The following HMGCS1 variants were observed in gnomAD, a reference collection of about 807,000 sequenced individuals.
The protein encoded by HMGCS1 is hydroxymethylglutaryl-CoA synthase, cytoplasmic.
In HMGCS1, 9 loss-of-function variants were observed where a neutral mutation model predicts 52.3. The ratio of observed to expected loss-of-function variants is 0.17; its 90% CI spans 0.10 to 0.30. HMGCS1 has a LOEUF of 0.30. HMGCS1 is among the 10% of genes least tolerant of loss of function. The pLI is 1.00. For synonymous variants in HMGCS1, 176 were observed against 214.4 expected (o/e 0.82, Z 1.57); for missense variants, 320 against 620.9 (o/e 0.52, Z 5.15).
intron 2 of HMGCS1, among the ~76,000 whole-genome samples, chr5:43,302,998 G>C (rs1754394306): frequency 6.6e-6 from 1 of 152,104 alleles, no homozygotes; most frequent in South Asian, 2.1e-4. Context: ...CCATCTTATT[G>C]AATGTGCAAG....
intron 5 of HMGCS1, among the ~76,000 whole-genome samples, 186 bp from the exon 6 acceptor site, chr5:43,296,103 A>C (rs1342116749): frequency 6.6e-6 from 1 of 152,228 alleles, no homozygotes; most frequent in African/African-American, 2.4e-5. Context: ...AACAATATGT[A>C]CTATGTCACT....
chr5:43,292,112 C>T (rs1296133822), intron 10 of HMGCS1, among the ~76,000 whole-genome samples: 1 of 150,200 alleles, frequency 6.7e-6, no homozygotes, highest in African/African-American at 2.5e-5. Context: ...CCTGACTCAG[C>T]CTCCTGAGTA....
chr5:43,294,752 T>G lies in HMGCS1; in HGVS notation c.1015A>C (p.Asn339His). The G allele has an allele frequency of 6.2e-7, 1 of 1,612,764 alleles. No individual in the cohort carries two copies. Among genetic ancestry groups the G allele is most frequent in the Non-Finnish European group, 8.5e-7 (1 of 1,178,980 alleles). ...GATGTGTACATATTTCCATTTTGAT[T>G]TGATACAAGTAAAGATGCCTTTGTT... ...QKTKASLLVS[N>H]QNGNMYTSSV... The change falls in exon 7 of 11, where the codon AAT (asparagine) becomes CAT (histidine). Residue 339 changes from asparagine (N) to histidine (H), a missense_variant. By Grantham distance (68) the Asn-to-His change is moderately conservative (BLOSUM62 1). Transcript: ENST00000325110.
intron 6 of HMGCS1, among the ~76,000 whole-genome samples, chr5:43,295,504 G>C (rs530980831): frequency 6.6e-6 from 1 of 152,124 alleles, no homozygotes; most frequent in Non-Finnish European, 1.5e-5. Flanking sequence ...TTACTTTATC[G>C]TGACAACATG....
intron 1 of HMGCS1, among the ~76,000 whole-genome samples, chr5:43,308,717 T>G (rs1022469720): frequency 2.0e-5 from 3 of 152,212 alleles, no homozygotes; most frequent in African/African-American, 7.2e-5. Flanking sequence ...TTTCCTCTGC[T>G]CTCTATTTAA....
chr5:43,293,621 T>G (rs1305241721), intron 8 of HMGCS1: 1 of 151,790 alleles, frequency 6.6e-6, no homozygotes, highest in African/African-American at 2.4e-5. Context: ...AAAGAAGTAA[T>G]GAAGACTAAA....
chr5:43,308,780 G>A (rs886779207), intron 1 of HMGCS1, among the ~76,000 whole-genome samples: 2 of 151,900 alleles, frequency 1.3e-5, no homozygotes, highest in South Asian at 2.1e-4. Flanking sequence ...AACTACATTC[G>A]GATGTTATTA....
chr5:43,306,143 T>G (rs1754563939), intron 2 of HMGCS1, among the ~76,000 whole-genome samples: 1 of 152,178 alleles, frequency 6.6e-6, no homozygotes, highest in Non-Finnish European at 1.5e-5. Context: ...GCTCACTCCC[T>G]CTGGTGGACA....
rs1276022194 is a variant in HMGCS1, at chr5:43,290,365, G to A, written c.*766C>T. ...ACTGTTGTTCAGCATAATCTACCAT[G>A]AACTGATTCAGGAGCACACCTAGAG... On this transcript the variant is annotated 3_prime_UTR_variant, in exon 11 of 11. Coordinates refer to ENST00000325110, the MANE Select transcript of HMGCS1 (RefSeq NM_001098272.3). 1 of 152,296 alleles carries A rather than the reference G, an allele frequency of 6.6e-6. No individual in the cohort carries two copies. Among genetic ancestry groups the A allele is most frequent in the Non-Finnish European group, 1.5e-5 (1 of 68,026 alleles). 9.4% of individuals were successfully genotyped at this position (152,296 alleles called of 1,614,324 possible).
rs1054106124 is a variant in HMGCS1, at chr5:43,290,125, T to C, written c.*1006A>G. On this transcript the variant is annotated 3_prime_UTR_variant, in exon 11 of 11. Transcript: ENST00000325110. ...AAAAAAAAAGGAAAAGGAAAAGAGC[T>C]GTGTTACACCATGAATTTAGGTTGT... 2.0e-5 allele frequency: 3 copies of C among 151,374 alleles called. No individual in the cohort carries two copies. The highest frequency in any genetic ancestry group is 6.6e-5 in the Admixed American group (1 of 15,146). 9.4% of individuals were successfully genotyped at this position (151,374 alleles called of 1,614,324 possible). A position where few individuals can be genotyped will look rare whatever the true frequency, so the allele number is the denominator to read the frequency against.
chr5:43,301,599 C>T (rs1040645427), intron 2 of HMGCS1, among the ~76,000 whole-genome samples: 5 of 152,138 alleles, frequency 3.3e-5, no homozygotes, highest in Admixed American at 2.6e-4. Context: ...AGTTGCAATA[C>T]AAAGTGTATT....
In HMGCS1 at chr5:43,288,643, GA is replaced by G. The variant is rs983801983; in HGVS notation, c.*2487del. On this transcript the variant is annotated 3_prime_UTR_variant, in exon 11 of 11. Coordinates refer to ENST00000325110, the MANE Select transcript of HMGCS1 (RefSeq NM_001098272.3). ...ACACACATTCCATAAAGGAGAGGGG[GA>G]AAGATTGAATTCTTAAAGCCATACT... The G allele has an allele frequency of 1.3e-5, 2 of 151,924 alleles. No homozygotes were observed. The highest frequency in any genetic ancestry group is 2.9e-5 in the Non-Finnish European group (2 of 67,994). The allele number at this position is 151,924 out of a possible 1,614,324, so 9.4% of individuals were successfully genotyped here.
chr5:43,306,701 G>C (rs1266050039), intron 2 of HMGCS1, among the ~76,000 whole-genome samples: 1 of 117,556 alleles, frequency 8.5e-6, no homozygotes, highest in East Asian at 2.0e-4. Flanking sequence ...CTGGTCCCAA[G>C]CATTGTTCAG....
At position 43,295,789 on chromosome 5, in the gene HMGCS1, C is replaced by T. The variant is rs557281437; in HGVS notation, c.868G>A (p.Asp290Asn). 9 of 1,613,172 alleles carry T rather than the reference C, an allele frequency of 5.6e-6. No homozygotes were observed. The highest frequency in any genetic ancestry group is 2.2e-5 in the South Asian group (2 of 91,038). ...AGGCCACTATAGATACTATTTTTATCTCTATTCTGGTCATTAAGGAAGTCA... is the reference window on the plus strand; with the variant it reads ...AGGCCACTATAGATACTATTTTTATTTCTATTCTGGTCATTAAGGAAGTCA... ...LNDFLNDQNRDKNSIYSGLEA... is the reference protein window; with the variant it reads ...LNDFLNDQNRNKNSIYSGLEA... The change falls in exon 6 of 11, where the codon GAT (aspartate) becomes AAT (asparagine). Residue 290 changes from aspartate (D) to asparagine (N), a missense_variant. By Grantham distance (23) the Asp-to-Asn change is conservative. Transcript: ENST00000325110.
chr5:43,301,793 CATGGAAAAAGCAAAAGA>C (rs1377531905), intron 2 of HMGCS1, among the ~76,000 whole-genome samples: 1 of 152,172 alleles, frequency 6.6e-6, no homozygotes, highest in Non-Finnish European at 1.5e-5. Context: ...CCTCCAAAAA[CATGGAAAAAGCAAAAGA>C]ACTGGCAGAA....
At chr5:43,294,668 T>C (rs1248676588) in intron 7 of HMGCS1, 23 bp downstream of exon 7, 1 of 1,531,844 alleles carries the variant, frequency 6.5e-7, no homozygotes, top group Non-Finnish European at 8.9e-7. Context: ...GGGAGTTAAG[T>C]AGTAGGTGAA....
chr5:43,306,709 C>A (rs1038356606), intron 2 of HMGCS1, among the ~76,000 whole-genome samples: 3 of 151,832 alleles, frequency 2.0e-5, no homozygotes, highest in Non-Finnish European at 4.4e-5. Flanking sequence ...AAGCATTGTT[C>A]AGATAAGGAA....
chr5:43,293,356 G>A (rs1442651815), intron 8 of HMGCS1, among the ~76,000 whole-genome samples: 1 of 152,158 alleles, frequency 6.6e-6, no homozygotes, highest in Non-Finnish European at 1.5e-5. Flanking sequence ...GCCTCCTGAA[G>A]TGTTGGGATT....
intron 1 of HMGCS1, among the ~76,000 whole-genome samples, chr5:43,309,826 G>C (rs1754771228): frequency 6.6e-6 from 1 of 152,208 alleles, no homozygotes; most frequent in African/African-American, 2.4e-5. Flanking sequence ...AGACTCATGG[G>C]ATGAAATATA....
Sources: allele counts gnomAD v4.1 joint callset (sites outside exome capture counted in the v4.1 genomes callset), GRCh38; gene constraint gnomAD v4.1.1; transcripts MANE v1.5; gene names NCBI Gene and HGNC (gene_info 2026-07-23, HGNC 2026-07-21).